The following PACSIN2 variants were observed in gnomAD, a reference collection of about 807,000 sequenced individuals.
The protein encoded by PACSIN2 is protein kinase C and casein kinase substrate in neurons 2.
In PACSIN2, 25 loss-of-function variants were observed where a neutral mutation model predicts 63.8. That is an observed-to-expected ratio of 0.39 (90% CI 0.29 to 0.55). The LOEUF (loss-of-function observed/expected upper bound fraction) is 0.55, where lower values mean the gene tolerates loss of function less well. Ranked by LOEUF, PACSIN2 falls within the 20% of genes least tolerant of loss-of-function variation. The pLI, the probability that PACSIN2 is intolerant of heterozygous loss-of-function variation, is 0.62. For missense variants in PACSIN2, 518 were observed against 646.9 expected (o/e 0.80, Z 2.16); for synonymous variants, 255 against 256.2 (o/e 1.00, Z 0.05).
chr22:42,930,613 AT>A (rs1212272279), intron 1 of PACSIN2, among the ~76,000 whole-genome samples: 1 of 152,264 alleles, frequency 6.6e-6, no homozygotes, highest in Non-Finnish European at 1.5e-5. Context: ...AAAGTAGGTC[AT>A]TTTGAAATAA....
At chr22:42,877,807 G>C (rs1028563843) in intron 8 of PACSIN2, among the ~76,000 whole-genome samples, 1 of 152,170 alleles carries the variant, frequency 6.6e-6, no homozygotes, top group Non-Finnish European at 1.5e-5. Flanking sequence ...TCCTAGGACC[G>C]GGCTACCCTG....
chr22:42,923,260 G>A (rs969954431), intron 1 of PACSIN2, among the ~76,000 whole-genome samples: 2 of 152,048 alleles, frequency 1.3e-5, no homozygotes, highest in African/African-American at 2.4e-5. Context: ...TTAACAATCC[G>A]ACTTCAGTCT....
At chr22:42,977,773 C>T (rs965371529) in intron 1 of PACSIN2, among the ~76,000 whole-genome samples, 2 of 152,146 alleles carry the variant, frequency 1.3e-5, no homozygotes, top group Non-Finnish European at 2.9e-5. Context: ...CACTTCCCCC[C>T]TCACGCTCTC....
In PACSIN2 at chr22:42,871,096, T is replaced by C; in HGVS notation, c.*261A>G. 1 of 526,050 alleles carries C rather than the reference T, an allele frequency of 1.9e-6. No individual in the cohort carries two copies. The highest frequency in any genetic ancestry group is 3.4e-6 in the Non-Finnish European group (1 of 290,138). The allele number at this position is 526,050 out of a possible 1,614,324, so 32.6% of individuals were successfully genotyped here. On this transcript the variant is annotated 3_prime_UTR_variant, in exon 11 of 11. Coordinates refer to ENST00000263246, the MANE Select transcript of PACSIN2 (RefSeq NM_001184970.3). This position sits in a 1 kb window ranked among gnomAD's most constrained non-coding sequence, Gnocchi z 5.4. ...AAGTCAAGAACATAGAGATCTATGA[T>C]AGGCCAACAGGCACAGTGGGCGGGG...
At chr22:42,916,169 C>T (rs774201244) in intron 1 of PACSIN2, among the ~76,000 whole-genome samples, 19 of 152,132 alleles carry the variant, frequency 1.2e-4, no homozygotes, top group Non-Finnish European at 2.4e-4. Context: ...TCTCAGTACC[C>T]CCAGGTCACA....
chr22:42,966,154 G>C (rs1016779638), intron 1 of PACSIN2, among the ~76,000 whole-genome samples: 3 of 152,064 alleles, frequency 2.0e-5, no homozygotes, highest in African/African-American at 4.8e-5. Flanking sequence ...GGCGGATCAC[G>C]AGGTCAAGAG....
At position 42,963,204 on chromosome 22, in the gene PACSIN2, G is replaced by A. The variant is rs146262532; in HGVS notation, c.-77-51047C>T. On this transcript the variant is annotated intron_variant, in intron 1 of 10. Transcript: ENST00000263246. Reference sequence around the variant, plus strand: ...TCAAAGCAGCCAAGGTCCCTGCCCCGGCCCACAATGTACAGGCTGAGCAGA... The same window carrying A: ...TCAAAGCAGCCAAGGTCCCTGCCCCAGCCCACAATGTACAGGCTGAGCAGA... 1.3e-3 allele frequency among the ~76,000 whole-genome samples: 194 copies of A among 152,320 alleles called. 1 individual carries two copies. Among genetic ancestry groups the A allele is most frequent in the African/African-American group, 4.5e-3 (188 of 41,568 alleles).
In PACSIN2 at chr22:42,893,481, G is replaced by T. The variant is rs991913266; in HGVS notation, c.193C>A (p.Arg65Ser). Residue 65 changes from arginine to serine, a missense_variant, in exon 3 of 11, where the codon CGC becomes AGC. Transcript: ENST00000263246. ...YAQQLTEWAR[R>S]WRQLVEKGPQ... is the part of the protein sequence containing the mutation. ...CCTTTCTCCACGAGCTGCCTCCAGC[G>T]CCGGGCCCACTCAGTGAGCTGCTGC... 6.2e-7 allele frequency: 1 copy of T among 1,613,632 alleles called. No individual in the cohort carries two copies. Among genetic ancestry groups the T allele is most frequent in the Non-Finnish European group, 8.5e-7 (1 of 1,180,022 alleles).
intron 2 of PACSIN2, among the ~76,000 whole-genome samples, chr22:42,907,492 G>C (rs1413618155): frequency 1.3e-5 from 2 of 152,238 alleles, no homozygotes; most frequent in Non-Finnish European, 2.9e-5. Context: ...AGCACGGTGG[G>C]GTGATAATTA....
intron 1 of PACSIN2, among the ~76,000 whole-genome samples, chr22:43,003,644 T>C (rs1183292116): frequency 6.6e-6 from 1 of 152,220 alleles, no homozygotes; most frequent in East Asian, 1.9e-4. Flanking sequence ...CTAATATACC[T>C]GAGCAAATGC....
rs898833564 is a variant in PACSIN2, at chr22:42,870,997, G to A, written c.*360C>T. ...AAGCTTGTTCATTTAAGTTGCAGGTGATGGACTCGTCAGAGAGAGTAATCA... is the reference window on the plus strand; with the variant it reads ...AAGCTTGTTCATTTAAGTTGCAGGTAATGGACTCGTCAGAGAGAGTAATCA... On this transcript the variant is annotated 3_prime_UTR_variant, in exon 11 of 11. Transcript: ENST00000263246. The A allele has an allele frequency of 4.1e-6, 1 of 241,130 alleles. No individual in the cohort carries two copies. The highest frequency in any genetic ancestry group is 8.2e-6 in the Non-Finnish European group (1 of 122,054). 14.9% of individuals were successfully genotyped at this position (241,130 alleles called of 1,614,324 possible). A position where few individuals can be genotyped will look rare whatever the true frequency, so the allele number is the denominator to read the frequency against.
chr22:42,955,125 G>T (rs926022152), intron 1 of PACSIN2, among the ~76,000 whole-genome samples: 6 of 152,142 alleles, frequency 3.9e-5, no homozygotes, highest in East Asian at 3.9e-4. Context: ...AGCTCTTTAA[G>T]ACTCACCACC....
chr22:42,968,731 A>G (rs1258151434), intron 1 of PACSIN2, among the ~76,000 whole-genome samples: 1 of 152,222 alleles, frequency 6.6e-6, no homozygotes, highest in Non-Finnish European at 1.5e-5. Flanking sequence ...CAAAAACAGG[A>G]AAAGGGCAAA....
chr22:42,963,335 A>G (rs1013093516), intron 1 of PACSIN2, among the ~76,000 whole-genome samples: 7 of 152,214 alleles, frequency 4.6e-5, no homozygotes, highest in Non-Finnish European at 8.8e-5. Context: ...TCAGAAACAG[A>G]GAGTCCACCA....
intron 1 of PACSIN2, among the ~76,000 whole-genome samples, chr22:42,970,482 C>T (rs2146865630): frequency 6.6e-6 from 1 of 152,262 alleles, no homozygotes; most frequent in South Asian, 2.1e-4. Flanking sequence ...AAAAAATAAG[C>T]TATGGTTACA....
intron 1 of PACSIN2, among the ~76,000 whole-genome samples, chr22:42,929,868 A>G (rs1932751528): frequency 1.3e-5 from 2 of 152,174 alleles, no homozygotes; most frequent in South Asian, 4.1e-4. Context: ...CACCTCTTTC[A>G]TAAAGACTTC....
intron 1 of PACSIN2, among the ~76,000 whole-genome samples, chr22:42,985,883 C>T (rs1922574790): frequency 6.6e-6 from 1 of 151,166 alleles, no homozygotes; most frequent in South Asian, 2.1e-4. Flanking sequence ...CTCCCATGCC[C>T]ACCCTGCCCA....
chr22:43,005,324 A>G (rs551006481), intron 1 of PACSIN2, among the ~76,000 whole-genome samples: 59 of 152,196 alleles, frequency 3.9e-4, no homozygotes, highest in Non-Finnish European at 6.0e-4. Flanking sequence ...TCTAGAATCC[A>G]TCACATTAAA....
rs977952384 is a variant in PACSIN2, at chr22:42,958,094, GA to G, written c.-77-45938del. On this transcript the variant is annotated intron_variant, in intron 1 of 10. Transcript: ENST00000263246. ...ACAAATATGAACGGACTCATCAGTA[GA>G]AAAAAAAAACACTCTTAGCTAAGTG... Among the ~76,000 whole-genome samples, 150 of 146,546 alleles carry G rather than the reference GA, an allele frequency of 1.0e-3. 1 individual carries two copies. The highest frequency in any genetic ancestry group is 3.2e-3 in the East Asian group (16 of 5,038).
Sources: gnomAD v4.1 joint callset for allele counts (sites outside exome capture counted in the v4.1 genomes callset) on GRCh38, gnomAD v4.1.1 for gene constraint, Gnocchi (gnomAD v3.1) non-coding constraint, MANE v1.5 for transcripts, NCBI Gene and HGNC (gene_info 2026-07-23, HGNC 2026-07-21) for gene names.